Variants in DLD observed in about 807,000 individuals in gnomAD.
The protein encoded by DLD is dihydrolipoyl dehydrogenase, mitochondrial.
A neutral mutation model predicts 62.2 loss-of-function variants in DLD; 36 were observed. That is an observed-to-expected ratio of 0.58 (90% CI 0.44 to 0.76). The LOEUF (loss-of-function observed/expected upper bound fraction) is 0.76. DLD is among the 30% of genes least tolerant of loss of function. The pLI is 0.00. For synonymous variants in DLD, 204 were observed against 199.6 expected, an observed-to-expected ratio of 1.02 and a Z score of -0.19; for missense variants, 541 against 608.6, an observed-to-expected ratio of 0.89 and a Z score of 1.17.
At chr7:107,912,021 C>CT (rs1465873932) in intron 8 of DLD, among the ~76,000 whole-genome samples, 1 of 151,786 alleles carries the variant, frequency 6.6e-6, no homozygotes, top group South Asian at 2.1e-4. Flanking sequence ...ATTTTGCTCT[C>CT]TATCTCCATG....
chr7:107,916,447 G>T (rs1464327721), intron 9 of DLD, among the ~76,000 whole-genome samples: 1 of 152,108 alleles, frequency 6.6e-6, no homozygotes, highest in East Asian at 1.9e-4. Flanking sequence ...GGCTGAGATG[G>T]GCAGATCATG....
At chr7:107,897,332 G>A (rs1393429326) in intron 2 of DLD, among the ~76,000 whole-genome samples, 1 of 152,162 alleles carries the variant, frequency 6.6e-6, no homozygotes, top group African/African-American at 2.4e-5. Context: ...GAACATAATG[G>A]TATATAGGAG....
intron 2 of DLD, among the ~76,000 whole-genome samples, chr7:107,899,795 T>G (rs946687146): frequency 3.3e-5 from 5 of 149,646 alleles, no homozygotes; most frequent in African/African-American, 9.9e-5. Flanking sequence ...GGATGGGTTG[T>G]TTTTTTTTTA....
chr7:107,901,611 A>G (rs1453514072), intron 2 of DLD, 127 bp from the exon 3 acceptor site: 2 of 751,702 alleles, frequency 2.7e-6, no homozygotes, highest in Admixed American at 2.0e-5. Context: ...TGCAGAAACT[A>G]TGTAGAAAAT....
At chr7:107,900,366 C>A (rs1424761311) in intron 2 of DLD, among the ~76,000 whole-genome samples, 1 of 152,016 alleles carries the variant, frequency 6.6e-6, no homozygotes, top group African/African-American at 2.4e-5. Flanking sequence ...CAGAATATAG[C>A]TACTATGTAT....
chr7:107,891,589 CA>C, intron 1 of DLD: 1 of 565,496 alleles, frequency 1.8e-6, no homozygotes, highest in East Asian at 3.0e-5. Context: ...CCCGGTCACA[CA>C]TAGGCCTCTA....
chr7:107,903,604 G>A, intron 5 of DLD, 57 bp downstream of exon 5: 2 of 1,003,104 alleles, frequency 2.0e-6, no homozygotes, highest in Non-Finnish European at 3.2e-6. Context: ...TGGCTCTTCT[G>A]TCTAAAGACT....
rs113802656 is a variant in DLD at position 107,911,503 on chromosome 7, G to A, written c.685-4003G>A. On this transcript the variant is annotated intron_variant, in intron 8 of 13. Transcript: ENST00000205402. ...TTTCATTTCTCTTGGGTATATAACT[G>A]GATGTGTAATTGTTGGGTCATATGG... Among the ~76,000 whole-genome samples the A allele has an allele frequency of 9.1e-3, 1,386 of 152,146 alleles. 17 individuals are homozygous for A. The highest frequency in any genetic ancestry group is 0.032 in the African/African-American group (1,317 of 41,518).
intron 12 of DLD, among the ~76,000 whole-genome samples, chr7:107,918,399 GCTCT>G (rs752068750): frequency 1.2e-4 from 19 of 152,154 alleles, no homozygotes; most frequent in African/African-American, 3.1e-4. Context: ...TTCTTTTTCT[GCTCT>G]CTTTTACTCA....
chr7:107,904,817 A>G (rs1183936016), intron 5 of DLD, 141 bp from the exon 6 acceptor site: 1 of 697,584 alleles, frequency 1.4e-6, no homozygotes, highest in Non-Finnish European at 2.6e-6. Flanking sequence ...GTCAACTATA[A>G]TTATAAGTTA....
intron 2 of DLD, 117 bp downstream of exon 2, chr7:107,893,395 G>A: frequency 1.3e-6 from 1 of 778,608 alleles, no homozygotes; most frequent in South Asian, 1.9e-5. Flanking sequence ...TAGTTCATTT[G>A]TTCATGTATT....
In DLD at chr7:107,905,433, A is replaced by G; in HGVS notation, c.511A>G (p.Thr171Ala). The change falls in exon 7 of 14, where the codon ACT becomes GCT. Residue 171 changes from threonine to alanine, a missense_variant. Thr to Ala is a moderately conservative substitution (Grantham distance 58, BLOSUM62 0). Transcript: ENST00000205402. The stretch of plus-strand genomic sequence containing the variant: ...CACTGCTACGAAAGCTGATGGCGGC[A>G]CTCAGGTTATTGATACAAAGAACAT... Reference protein sequence around the residue: ...QVTATKADGGTQVIDTKNILI... With the variant: ...QVTATKADGGAQVIDTKNILI... 7 of 1,613,818 alleles carry G rather than the reference A, an allele frequency of 4.3e-6. No individual in the cohort carries two copies. The highest frequency in any genetic ancestry group is 5.1e-6 in the Non-Finnish European group (6 of 1,179,746).
intron 3 of DLD, 87 bp downstream of exon 3, chr7:107,901,904 A>G (rs1441143076): frequency 1.8e-5 from 19 of 1,051,974 alleles, no homozygotes; most frequent in Non-Finnish European, 2.7e-5. Flanking sequence ...AGGCAAAAAC[A>G]TGGTAAATAC....
intron 2 of DLD, among the ~76,000 whole-genome samples, chr7:107,899,816 A>C (rs2031832470): frequency 6.6e-6 from 1 of 151,734 alleles, no homozygotes; most frequent in South Asian, 2.1e-4. Flanking sequence ...ATTTTGCTTT[A>C]GTGTATTTAA....
chr7:107,909,989 ATTACAGGCAC>A (rs2032101952), intron 8 of DLD, among the ~76,000 whole-genome samples: 1 of 151,742 alleles, frequency 6.6e-6, no homozygotes. Context: ...AGTAGCTGGG[ATTACAGGCAC>A]GCACCACCAT....
chr7:107,899,804 T>C (rs977545091), intron 2 of DLD, among the ~76,000 whole-genome samples: 2 of 151,978 alleles, frequency 1.3e-5, no homozygotes, highest in African/African-American at 4.8e-5. Flanking sequence ...GTTTTTTTTT[T>C]AATTTTGCTT....
In DLD at chr7:107,917,375, C is replaced by G; in HGVS notation, c.1149C>G (p.His383Gln). The change falls in exon 11 of 14, where the codon CAC becomes CAG. Residue 383 changes from histidine to glutamine, a missense_variant. By Grantham distance (24) the His-to-Gln change is conservative. Coordinates refer to ENST00000205402, the MANE Select transcript of DLD (RefSeq NM_000108.5). ...AAGGAATGGCTGGTGGTGCTGTGCA[C>G]ATTGACTACAATTGTGTGCCATCAG... ...CVEGMAGGAV[H>Q]IDYNCVPSVI... 1 of 1,614,132 alleles carries G rather than the reference C, an allele frequency of 6.2e-7. No individual in the cohort carries two copies. The highest frequency in any genetic ancestry group is 8.5e-7 in the Non-Finnish European group (1 of 1,180,016).
In DLD at chr7:107,908,153, C is replaced by CTT. The variant is rs71134291; in HGVS notation, c.684+1799_684+1800dup. ...TTTAATTGTTAGTATTTTTGTTTTTCTTTTTTTTTTTTTTTGAGTCCGAGT... is the reference window on the plus strand; with the variant it reads ...TTTAATTGTTAGTATTTTTGTTTTTCTTTTTTTTTTTTTTTTTGAGTCCGAGT... On this transcript the variant is annotated intron_variant, in intron 8 of 13. Transcript: ENST00000205402. Among the ~76,000 whole-genome samples the CTT allele has an allele frequency of 3.7e-3, 514 of 137,304 alleles. 5 individuals carry two copies. The highest frequency in any genetic ancestry group is 0.011 in the African/African-American group (398 of 37,814). 90.1% of individuals were successfully genotyped at this position (137,304 alleles called of 152,430 possible). A position where few individuals can be genotyped will look rare whatever the true frequency, so the allele number is the denominator to read the frequency against.
chr7:107,903,591 A>T (rs749777272), intron 5 of DLD, 44 bp downstream of exon 5: 1 of 1,196,162 alleles, frequency 8.4e-7, no homozygotes, highest in Non-Finnish European at 1.2e-6. Flanking sequence ...AGACTGCTTG[A>T]CTTGGCTCTT....
Sources: allele counts gnomAD v4.1 joint callset (sites outside exome capture counted in the v4.1 genomes callset), GRCh38; gene constraint gnomAD v4.1.1; transcripts MANE v1.5; gene names NCBI Gene and HGNC (gene_info 2026-07-23, HGNC 2026-07-21).